The following ZNF462 variants were observed in gnomAD, a reference collection of about 807,000 sequenced individuals.
ZNF462 encodes the protein zinc finger PBX1-interacting protein.
ZNF462 carries 10 observed loss-of-function variants against 201.9 expected under a neutral mutation model. That is an observed-to-expected ratio of 0.05 (90% CI 0.03 to 0.08). The LOEUF (loss-of-function observed/expected upper bound fraction) is 0.08, where lower values mean the gene tolerates loss of function less well. Among genes scored for constraint, ZNF462 ranks in the 10% least tolerant of loss-of-function variants. The probability of loss-of-function intolerance (pLI) is 1.00; values close to 1 mark genes in which losing one functional copy is unlikely to be tolerated. For synonymous variants in ZNF462, 1,227 were observed against 1,193.3 expected (o/e 1.03, Z -0.58); for missense variants, 2,523 against 3,168.3 (o/e 0.80, Z 4.89).
At chr9:106,875,705 T>C (rs1159143083) in intron 1 of ZNF462, among the ~76,000 whole-genome samples, 1 of 152,212 alleles carries the variant, frequency 6.6e-6, no homozygotes, top group Non-Finnish European at 1.5e-5. Context: ...AACAACAACC[T>C]GTATCAGAAG....
In ZNF462 at chr9:107,005,849, C is replaced by T. The variant is rs577321017; in HGVS notation, c.7189+2423C>T. On this transcript the variant is annotated intron_variant, in intron 11 of 12. Transcript: ENST00000277225. This position sits in a 1 kb window ranked among gnomAD's most constrained non-coding sequence, Gnocchi z 4.4. ...TTCAAGTTTTTAATTCATTTTGAGA[C>T]GATTTTTGTATCTGGTGTGAGATAA... Among the ~76,000 whole-genome samples, 11 of 152,234 alleles carry T rather than the reference C, an allele frequency of 7.2e-5. No individual in the cohort carries two copies. The Middle Eastern group carries it at 0.01, about 141-fold the overall frequency.
chr9:106,888,684 C>A (rs553377917), intron 1 of ZNF462, among the ~76,000 whole-genome samples: 9 of 152,306 alleles, frequency 5.9e-5, no homozygotes, highest in African/African-American at 2.2e-4. Flanking sequence ...ACTCTTCCCA[C>A]CGTATTAGCT....
intron 9 of ZNF462, among the ~76,000 whole-genome samples, chr9:106,982,872 G>T (rs974706745): frequency 6.6e-6 from 1 of 152,128 alleles, no homozygotes; most frequent in Non-Finnish European, 1.5e-5. Context: ...GCAACAAAGG[G>T]AGGACTCTAA....
At chr9:106,908,914 T>C (rs1372492525) in intron 1 of ZNF462, among the ~76,000 whole-genome samples, 10 of 15,616 alleles carry the variant, frequency 6.4e-4, no homozygotes, top group Non-Finnish European at 1.1e-3. Flanking sequence ...TATATACATA[T>C]ATATATATAT....
At chr9:106,996,197 T>A (rs1374039666) in intron 10 of ZNF462, among the ~76,000 whole-genome samples, 1 of 152,218 alleles carries the variant, frequency 6.6e-6, no homozygotes, top group Non-Finnish European at 1.5e-5. Flanking sequence ...TGCCACATTT[T>A]CTTAATCCAG....
At chr9:106,878,307 G>T (rs1033172191) in intron 1 of ZNF462, among the ~76,000 whole-genome samples, 1 of 152,198 alleles carries the variant, frequency 6.6e-6, no homozygotes, top group Non-Finnish European at 1.5e-5. Flanking sequence ...CATCTCTACC[G>T]TTCATTTGCA....
chr9:106,873,567 T>G (rs759842096), intron 1 of ZNF462, among the ~76,000 whole-genome samples: 2 of 152,204 alleles, frequency 1.3e-5, no homozygotes. Flanking sequence ...TATTCTTTAA[T>G]GGTCATTTTT....
chr9:106,947,247 A>G (rs1831150431), intron 7 of ZNF462, among the ~76,000 whole-genome samples: 1 of 152,172 alleles, frequency 6.6e-6, no homozygotes, highest in Non-Finnish European at 1.5e-5. Flanking sequence ...CTAAAGTTTC[A>G]TTTCCCAGCA....
In ZNF462 at chr9:106,978,349, C is replaced by T. The variant is rs1827168352; in HGVS notation, c.6832+4076C>T. On this transcript the variant is annotated intron_variant, in intron 9 of 12. Coordinates refer to ENST00000277225, the MANE Select transcript of ZNF462 (RefSeq NM_021224.6). The surrounding 1 kb of genome is among the most constrained non-coding windows in gnomAD (Gnocchi z 4.1). ...GTCCTGAAGAGAATAGGAAGCATAC[C>T]AGAGAAGTATGTTCTGGCCAAAGTA... 1.3e-5 allele frequency among the ~76,000 whole-genome samples: 2 copies of T among 151,528 alleles called. No individual in the cohort carries two copies. The highest frequency in any genetic ancestry group is 4.9e-5 in the African/African-American group (2 of 40,852).
intron 1 of ZNF462, among the ~76,000 whole-genome samples, chr9:106,908,941 A>ATAT (rs1554699410): frequency 7.9e-5 from 2 of 25,350 alleles, no homozygotes; most frequent in Non-Finnish European, 1.3e-4. Flanking sequence ...ATATATATAT[A>ATAT]TTTTTTTTTT....
intron 7 of ZNF462, among the ~76,000 whole-genome samples, chr9:106,949,272 T>G (rs532160509): frequency 6.6e-6 from 1 of 152,342 alleles, no homozygotes; most frequent in African/African-American, 2.4e-5. Context: ...CATTTCCTAT[T>G]CATTTCTAGA....
At chr9:106,958,251 A>C (rs1163034678) in intron 7 of ZNF462, among the ~76,000 whole-genome samples, 1 of 152,080 alleles carries the variant, frequency 6.6e-6, no homozygotes, top group Non-Finnish European at 1.5e-5. Flanking sequence ...GACACAGTAA[A>C]GGTAAAACTG....
At chr9:106,896,381 CTCT>C (rs1564082839) in intron 1 of ZNF462, among the ~76,000 whole-genome samples, 3 of 152,174 alleles carry the variant, frequency 2.0e-5, no homozygotes, top group Admixed American at 2.0e-4. Flanking sequence ...CAATGATTCC[CTCT>C]TCACCAGTCT....
rs572493359 is a variant in ZNF462, at chr9:106,913,908, A to G, written c.-30-9446A>G. ...TGAGACACTGTGCCCAGCTGACTTG[A>G]CCATTTTTAATGACATTTGCCCCTT... On this transcript the variant is annotated intron_variant, in intron 1 of 12. Transcript: ENST00000277225. The surrounding 1 kb of genome is among the most constrained non-coding windows in gnomAD (Gnocchi z 4.1). Among the ~76,000 whole-genome samples, 1 of 150,454 alleles carries G rather than the reference A, an allele frequency of 6.6e-6. No individual in the cohort carries two copies. Among genetic ancestry groups the G allele is most frequent in the African/African-American group, 2.4e-5 (1 of 41,372 alleles).
rs544904341 is a variant in ZNF462, at chr9:107,008,222, G to C, written c.7190-1323G>C. On this transcript the variant is annotated intron_variant, in intron 11 of 12. Coordinates refer to ENST00000277225, the MANE Select transcript of ZNF462 (RefSeq NM_021224.6). The surrounding 1 kb of genome is among the most constrained non-coding windows in gnomAD (Gnocchi z 4.8). The stretch of plus-strand genomic sequence containing the variant: ...ATAATCCCTGCTAAGGAATTAATGC[G>C]CAGAGCAGATGGTGCTGTCTCATTT... Among the ~76,000 whole-genome samples the C allele has an allele frequency of 6.6e-6, 1 of 152,160 alleles. No individual in the cohort carries two copies. The highest frequency in any genetic ancestry group is 1.5e-5 in the Non-Finnish European group (1 of 68,030).
intron 10 of ZNF462, among the ~76,000 whole-genome samples, chr9:106,997,870 A>G (rs987505425): frequency 4.6e-5 from 7 of 152,150 alleles, no homozygotes; most frequent in African/African-American, 1.4e-4. Flanking sequence ...TTGAAAAAGT[A>G]TCAAAAAAAT....
intron 1 of ZNF462, among the ~76,000 whole-genome samples, chr9:106,879,007 A>G (rs1827964172): frequency 6.6e-6 from 1 of 152,198 alleles, no homozygotes; most frequent in South Asian, 2.1e-4. Flanking sequence ...GTTTGGTCCC[A>G]AGAGGCAAAC....
chr9:106,910,766 T>TGGAAGTTTTTTTGG lies in ZNF462; in HGVS notation c.-30-12588_-30-12587insGGAAGTTTTTTTGG, dbSNP rs1588040556. On this transcript the variant is annotated intron_variant, in intron 1 of 12. Coordinates refer to ENST00000277225, the MANE Select transcript of ZNF462 (RefSeq NM_021224.6). ...AGCAGTGTGAGACAATTAGCCACCA[T>TGGAAGTTTTTTTGG]TTTTTTCTGGAAGTTTCTTTGGTTA... Among the ~76,000 whole-genome samples, 3 of 152,248 alleles carry TGGAAGTTTTTTTGG rather than the reference T, an allele frequency of 2.0e-5. No homozygotes were observed. In the East Asian group the frequency reaches 5.8e-4, roughly 29 times the overall value.
At chr9:106,861,506 A>C (rs1827066140), upstream of ZNF462, among the ~76,000 whole-genome samples, 1 of 152,232 alleles carries the variant, frequency 6.6e-6, no homozygotes, top group Admixed American at 6.5e-5. Context: ...TCAGACGCGG[A>C]CAAAAGAAAC....
Sources: allele counts gnomAD v4.1 joint callset (sites outside exome capture counted in the v4.1 genomes callset), GRCh38; gene constraint gnomAD v4.1.1; non-coding constraint Gnocchi (gnomAD v3.1); transcripts MANE v1.5; gene names NCBI Gene and HGNC (gene_info 2026-07-23, HGNC 2026-07-21).